The following TRIP11 variants were observed in gnomAD, a reference collection of about 807,000 sequenced individuals.
TRIP11 encodes thyroid hormone receptor interactor 11.
A neutral mutation model predicts 223.1 loss-of-function variants in TRIP11; 148 were observed. The ratio of observed to expected loss-of-function variants is 0.66; its 90% confidence interval spans 0.58 to 0.76. The LOEUF (loss-of-function observed/expected upper bound fraction) is 0.76, where lower values mean the gene tolerates loss of function less well. Ranked by LOEUF, TRIP11 falls within the 30% of genes least tolerant of loss-of-function variation. TRIP11 has a pLI of 0.00. For missense variants in TRIP11, 2,043 were observed against 2,222.0 expected (o/e 0.92, Z 1.62); for synonymous variants, 762 against 772.6 (o/e 0.99, Z 0.23).
chr14:91,987,539 T>C (rs569532584), intron 16 of TRIP11, among the ~76,000 whole-genome samples: 1 of 152,350 alleles, frequency 6.6e-6, no homozygotes, highest in African/African-American at 2.4e-5. Context: ...TTGTTACTAT[T>C]GTGCCTAACC....
Position 92,004,352 on chromosome 14 carries a change from T to C in TRIP11, c.3624A>G (p.Leu1208=). The stretch of plus-strand genomic sequence containing the variant: ...GCTGTTTTAACTTGTCACGTTCCTG[T>C]AGAAGCTCCTCAAATTGATTACTAT... ...GVNSNQFEEL[L]QERDKLKQQV... The change falls in exon 11 of 21, where the codon CTA becomes CTG. Residue 1208 remains leucine, a synonymous_variant. Transcript: ENST00000267622. The C allele has an allele frequency of 1.2e-6, 2 of 1,614,146 alleles. No individual in the cohort carries two copies. Among genetic ancestry groups the C allele is most frequent in the Non-Finnish European group, 1.7e-6 (2 of 1,180,022 alleles).
chr14:91,969,289 TA>T lies in TRIP11; in HGVS notation c.*383del, dbSNP rs547231708. The T allele has an allele frequency of 0.077, 19,093 of 248,738 alleles. 499 individuals carry two copies. Among genetic ancestry groups the T allele is most frequent in the African/African-American group, 0.16 (6,941 of 43,182 alleles). 15.4% of individuals were successfully genotyped at this position (248,738 alleles called of 1,614,324 possible). On this transcript the variant is annotated 3_prime_UTR_variant, in exon 21 of 21. Coordinates refer to ENST00000267622, the MANE Select transcript of TRIP11 (RefSeq NM_004239.4). ...TACTAGTATTTTTTTATTCTTCGTT[TA>T]AAAAAAAAAAACACTCTCTTGATAA...
chr14:92,026,715 A>G (rs2057192569), intron 2 of TRIP11: 2 of 1,020,274 alleles, frequency 2.0e-6, no homozygotes, highest in African/African-American at 1.6e-5. Flanking sequence ...AAGTAGATGA[A>G]GAACAGGAAG....
At chr14:91,994,662 C>G (rs1281182114) in intron 14 of TRIP11, among the ~76,000 whole-genome samples, 2 of 152,218 alleles carry the variant, frequency 1.3e-5, no homozygotes, top group East Asian at 3.8e-4. Context: ...CTCATATCCC[C>G]TAATCACCTC....
intron 6 of TRIP11, among the ~76,000 whole-genome samples, chr14:92,014,904 A>AT (rs2057016335): frequency 1.6e-5 from 2 of 125,370 alleles, no homozygotes; most frequent in Non-Finnish European, 1.6e-5. Flanking sequence ...ATTTTCACAG[A>AT]ATTTTTTTTT....
At position 92,015,755 on chromosome 14, in the gene TRIP11, C is replaced by T. The variant is rs764183546; in HGVS notation, c.764G>A (p.Arg255Gln). The T allele has an allele frequency of 1.5e-5, 25 of 1,613,280 alleles. No homozygotes were observed. The highest frequency in any genetic ancestry group is 3.3e-5 in the South Asian group (3 of 90,934). ...QKLTEISRRH[R>Q]EELSDYEERI... ...TTCTTCATAGTCACTTAATTCTTCT[C>T]GATGTCGTCGACTTATTTCTGTCAA... The change falls in exon 6 of 21, where the codon CGA (arginine) becomes CAA (glutamine). Residue 255 changes from arginine (R) to glutamine (Q), a missense_variant. Arg to Gln is a conservative substitution (Grantham distance 43). Transcript: ENST00000267622.
intron 1 of TRIP11, among the ~76,000 whole-genome samples, chr14:92,034,929 T>G (rs1289195160): frequency 6.6e-6 from 1 of 152,118 alleles, no homozygotes; most frequent in Non-Finnish European, 1.5e-5. Context: ...TCACCATGCA[T>G]GGCCCTTGGT....
intron 7 of TRIP11, among the ~76,000 whole-genome samples, chr14:92,013,807 G>A (rs2057003006): frequency 6.6e-6 from 1 of 152,074 alleles, no homozygotes; most frequent in Non-Finnish European, 1.5e-5. Context: ...CTAATTTTCT[G>A]TAACACAGAA....
At chr14:92,036,970 T>A (rs2057331862) in intron 1 of TRIP11, among the ~76,000 whole-genome samples, 1 of 152,144 alleles carries the variant, frequency 6.6e-6, no homozygotes, top group African/African-American at 2.4e-5. Context: ...CTTTAAGCTA[T>A]CCTCCCACTT....
chr14:91,981,008 A>T lies in TRIP11; in HGVS notation c.5261-4819T>A, dbSNP rs868322429. ...ATGTATATTATATATATATATATAT[A>T]TATATTTTTTTTTTTTTTTTTTTTT... On this transcript the variant is annotated intron_variant, in intron 16 of 20. Coordinates refer to ENST00000267622, the MANE Select transcript of TRIP11 (RefSeq NM_004239.4). Among the ~76,000 whole-genome samples, 86 of 78,288 alleles carry T rather than the reference A, an allele frequency of 1.1e-3. 2 individuals are homozygous for T. Among genetic ancestry groups the T allele is most frequent in the African/African-American group, 4.5e-3 (70 of 15,542 alleles). The allele number at this position is 78,288 out of a possible 152,430, so 51.4% of individuals were successfully genotyped here.
intron 1 of TRIP11, among the ~76,000 whole-genome samples, chr14:92,038,823 T>G (rs373364550): frequency 6.6e-5 from 10 of 152,326 alleles, no homozygotes; most frequent in Admixed American, 5.2e-4. Context: ...AATTAATGGA[T>G]AGTAACTAAT....
chr14:92,017,932 A>C (rs1037077310), intron 4 of TRIP11, among the ~76,000 whole-genome samples, 182 bp from the exon 5 acceptor site: 3 of 152,208 alleles, frequency 2.0e-5, no homozygotes, highest in South Asian at 2.1e-4. Flanking sequence ...ACAATAAATA[A>C]AAGATATCAT....
Position 92,005,849 on chromosome 14 carries a change from A to T in TRIP11, c.2127T>A (p.Thr709=). ...GNNQLSLEKN[T]IVETLKMEKG... is the part of the protein sequence containing the mutation. The stretch of plus-strand genomic sequence containing the variant: ...TTTCCATTTTTAGAGTCTCCACAAT[A>T]GTGTTTTTTTCCAGAGAAAGCTGAT... Residue 709 remains threonine (T), a synonymous_variant, in exon 11 of 21, where the codon ACT becomes ACA. Transcript: ENST00000267622. 1.2e-6 allele frequency: 2 copies of T among 1,614,016 alleles called. No homozygotes were observed. The highest frequency in any genetic ancestry group is 1.7e-6 in the Non-Finnish European group (2 of 1,180,002).
At position 92,040,050 on chromosome 14, in the gene TRIP11, G is replaced by A. The variant is rs74071824; in HGVS notation, c.-365C>T. On this transcript the variant is annotated 5_prime_UTR_variant, in exon 1 of 21. Transcript: ENST00000267622. ...CGCCATGACACTCGCTCGGAAAGCG[G>A]CAGCGGATCATAGAAAAGCGCCGCG... 2.6e-5 allele frequency: 11 copies of A among 418,896 alleles called. No individual in the cohort carries two copies. Among genetic ancestry groups the A allele is most frequent in the South Asian group, 1.4e-4 (6 of 42,412 alleles). The allele number at this position is 418,896 out of a possible 1,614,324, so 25.9% of individuals were successfully genotyped here. A position where few individuals can be genotyped will look rare whatever the true frequency, so the allele number is the denominator to read the frequency against.
At chr14:92,024,238 C>A (rs60745207) in intron 3 of TRIP11, among the ~76,000 whole-genome samples, 3,513 of 151,998 alleles carry the variant, frequency 0.023, 132 homozygotes, top group African/African-American at 0.072. Flanking sequence ...ATTAGCCAGG[C>A]GTGGTAGTGC....
rs1030941975 is a variant in TRIP11, at chr14:92,006,398, A to G, written c.1578T>C (p.Asp526=). 10 of 1,612,882 alleles carry G rather than the reference A, an allele frequency of 6.2e-6. No homozygotes were observed. Among genetic ancestry groups the G allele is most frequent in the South Asian group, 2.2e-5 (2 of 90,960 alleles). ...CTTGTTTCAGTTTACTGATGATGCT[A>G]TCTCCTTCATTTTGTTGTTTTGATA... The part of the protein sequence containing the change: ...DQLSKQQNEG[D]SIISKLKQDL... Residue 526 remains aspartate (D), a synonymous_variant, in exon 11 of 21, where the codon GAT becomes GAC. Coordinates refer to ENST00000267622, the MANE Select transcript of TRIP11 (RefSeq NM_004239.4).
In TRIP11 at chr14:92,014,403, C is replaced by T. The variant is rs1459653860; in HGVS notation, c.998G>A (p.Arg333Lys). ...SSAENDRDIL[R>K]REQEQLNVEK... ...CACATTTAGCTGTTCTTGTTCTCTC[C>T]TCAAAATATCTCTGTCATTTTCTGC... The change falls in exon 7 of 21, where the codon AGG becomes AAG. Residue 333 changes from arginine (R) to lysine (K), a missense_variant. Arg to Lys is a conservative substitution (Grantham distance 26). Coordinates refer to ENST00000267622, the MANE Select transcript of TRIP11 (RefSeq NM_004239.4). The T allele has an allele frequency of 1.9e-6, 3 of 1,612,534 alleles. No homozygotes were observed. The highest frequency in any genetic ancestry group is 1.3e-5 in the African/African-American group (1 of 74,872).
intron 2 of TRIP11, among the ~76,000 whole-genome samples, chr14:92,027,189 T>C (rs1173459459): frequency 6.6e-6 from 1 of 151,748 alleles, no homozygotes; most frequent in East Asian, 1.9e-4. Context: ...ATTGTTAGGG[T>C]CAGCCATTTT....
intron 4 of TRIP11, 97 bp from the exon 5 acceptor site, chr14:92,017,847 A>G (rs1242589756): frequency 1.8e-6 from 2 of 1,105,828 alleles, no homozygotes; most frequent in African/African-American, 3.1e-5. Flanking sequence ...TTTTGTAAAA[A>G]GGGGGATTTT....
Sources: allele counts gnomAD v4.1 joint callset (sites outside exome capture counted in the v4.1 genomes callset), GRCh38; gene constraint gnomAD v4.1.1; transcripts MANE v1.5; gene names NCBI Gene and HGNC (gene_info 2026-07-23, HGNC 2026-07-21).